VPS53: variants seen among roughly 807,000 people sequenced by gnomAD.
The protein encoded by VPS53 is VPS53 subunit of GARP complex, also known as vacuolar protein sorting-associated protein 53 homolog.
Under a neutral mutation model 107.0 loss-of-function variants are expected in VPS53, and 70 were observed. That is an observed-to-expected ratio of 0.65 (90% CI 0.54 to 0.80). The LOEUF is 0.80. Ranked by LOEUF, VPS53 falls within the 30% of genes least tolerant of loss-of-function variation. VPS53 has a pLI of 0.00. For synonymous variants in VPS53, 409 were observed against 393.3 expected, an observed-to-expected ratio of 1.04 and a Z score of -0.47; for missense variants, 917 against 1,049.4, an observed-to-expected ratio of 0.87 and a Z score of 1.74.
chr17:662,054 T>C (rs1015035197), intron 4 of VPS53, among the ~76,000 whole-genome samples, 159 bp from the exon 5 acceptor site: 1 of 152,208 alleles, frequency 6.6e-6, no homozygotes, highest in South Asian at 2.1e-4. Context: ...TAGAGACCTA[T>C]AGAGTCCAGT....
At chr17:697,559 AG>A in intron 3 of VPS53, 75 bp from the exon 4 acceptor site, 1 of 1,271,806 alleles carries the variant, frequency 7.9e-7, no homozygotes, top group Non-Finnish European at 1.1e-6. Flanking sequence ...AAAAGTAAAA[AG>A]TAATTTATTC....
chr17:602,211 C>T (rs1464232629), intron 11 of VPS53, among the ~76,000 whole-genome samples: 2 of 152,238 alleles, frequency 1.3e-5, no homozygotes, highest in South Asian at 2.1e-4. Context: ...GTCCCTGACA[C>T]GTGTTCCCAA....
Position 714,224 on chromosome 17 carries a change from C to A in VPS53, c.87+399G>T, listed in dbSNP as rs527832847. ...CTTCAGAAATTAAAGTCATTCCCTT[C>A]CCCCAGTTCCAAGCCACTCACGAGG... On this transcript the variant is annotated intron_variant, in intron 1 of 21. Transcript: ENST00000437048. 100 of 202,456 alleles carry A rather than the reference C, an allele frequency of 4.9e-4. 1 individual carries two copies. The highest frequency in any genetic ancestry group is 2.1e-3 in the African/African-American group (90 of 43,172). 12.5% of individuals were successfully genotyped at this position (202,456 alleles called of 1,614,324 possible). A position where few individuals can be genotyped will look rare whatever the true frequency, so the allele number is the denominator to read the frequency against.
intron 11 of VPS53, among the ~76,000 whole-genome samples, chr17:620,173 T>C (rs1481638055): frequency 1.3e-5 from 2 of 152,206 alleles, no homozygotes; most frequent in Non-Finnish European, 2.9e-5. Flanking sequence ...TTTATTCTAA[T>C]AAAGTCGTGA....
chr17:625,638 T>A (rs1161473692), intron 10 of VPS53, among the ~76,000 whole-genome samples: 1 of 152,198 alleles, frequency 6.6e-6, no homozygotes, highest in East Asian at 1.9e-4. Context: ...TGGGGAAGAC[T>A]ATGCACGTGG....
At chr17:697,292 G>T in intron 4 of VPS53, 126 bp downstream of exon 4, 2 of 827,284 alleles carry the variant, frequency 2.4e-6, no homozygotes, top group Non-Finnish European at 4.1e-6. Flanking sequence ...GCCCTGTCTT[G>T]TCCTGCCATG....
chr17:708,066 A>G (rs2144005906), intron 2 of VPS53, among the ~76,000 whole-genome samples: 1 of 152,304 alleles, frequency 6.6e-6, no homozygotes. Context: ...TGTAGGGTCC[A>G]GCCCTACGGG....
intron 15 of VPS53, among the ~76,000 whole-genome samples, chr17:553,712 A>AG (rs955361953): frequency 6.6e-6 from 1 of 151,678 alleles, no homozygotes; most frequent in South Asian, 2.1e-4. Flanking sequence ...CTGGGACTAC[A>AG]GGCGTGCGCT....
chr17:553,301 T>C, intron 16 of VPS53, 79 bp downstream of exon 16: 1 of 1,391,726 alleles, frequency 7.2e-7, no homozygotes, highest in Non-Finnish European at 1.0e-6. Flanking sequence ...AGCAAGCGTG[T>C]GCAGGGTACA....
In VPS53 at chr17:628,325, T is replaced by C. The variant is rs553279654; in HGVS notation, c.688-94A>G. On this transcript the variant is annotated intron_variant, in intron 8 of 21. Coordinates refer to ENST00000437048, the MANE Select transcript of VPS53 (RefSeq NM_001128159.3). ...CACTACTTGTTATCTCTACGCATTG[T>C]CAGTCTTACTCCTGCTCCTTCACAC... 186 of 1,430,252 alleles carry C rather than the reference T, an allele frequency of 1.3e-4. 1 individual carries two copies. The South Asian group carries it at 1.5e-3, about 11-fold the overall frequency. The allele number at this position is 1,430,252 out of a possible 1,614,324, so 88.6% of individuals were successfully genotyped here. A position where few individuals can be genotyped will look rare whatever the true frequency, so the allele number is the denominator to read the frequency against.
rs1457006921 is a variant in VPS53 at position 520,295 on chromosome 17, A to G, written c.2224-365T>C. Among the ~76,000 whole-genome samples the G allele has an allele frequency of 6.6e-6, 1 of 152,146 alleles. No homozygotes were observed. The highest frequency in any genetic ancestry group is 2.4e-5 in the African/African-American group (1 of 41,434). On this transcript the variant is annotated intron_variant, in intron 20 of 21. Coordinates refer to ENST00000437048, the MANE Select transcript of VPS53 (RefSeq NM_001128159.3). This position sits in a 1 kb window ranked among gnomAD's most constrained non-coding sequence, Gnocchi z 4.4. The stretch of plus-strand genomic sequence containing the variant: ...CTGGCTGGAGTCCCAGGTGACTTTT[A>G]AACTATCAGGACCATCCGGGAAACC...
intron 8 of VPS53, among the ~76,000 whole-genome samples, chr17:631,292 T>C (rs1198114539): frequency 2.0e-5 from 3 of 151,314 alleles, no homozygotes; most frequent in South Asian, 4.2e-4. Flanking sequence ...GCATACAAGA[T>C]AGACGGTTTG....
intron 11 of VPS53, among the ~76,000 whole-genome samples, chr17:610,127 TCACACA>T (rs200106767): frequency 0.15 from 19,692 of 134,196 alleles, 1,504 homozygotes; most frequent in African/African-American, 0.17. Context: ...TGAGACTCCG[TCACACA>T]CACACACACA....
chr17:626,598 C>T (rs1390712157), intron 10 of VPS53, among the ~76,000 whole-genome samples: 1 of 152,064 alleles, frequency 6.6e-6, no homozygotes. Flanking sequence ...CACTTGAATG[C>T]AGTAAATGGA....
At chr17:634,485 T>G (rs1210477833) in intron 7 of VPS53, among the ~76,000 whole-genome samples, 1 of 151,788 alleles carries the variant, frequency 6.6e-6, no homozygotes, top group African/African-American at 2.4e-5. Flanking sequence ...CATGCTGATG[T>G]GCTGCACCCA....
chr17:560,093 T>C (rs1912791062), intron 15 of VPS53, among the ~76,000 whole-genome samples: 2 of 152,250 alleles, frequency 1.3e-5, no homozygotes, highest in Admixed American at 1.3e-4. Flanking sequence ...GGCTGGGTCC[T>C]AGCACAGACA....
intron 17 of VPS53, among the ~76,000 whole-genome samples, chr17:542,917 G>A (rs1490539967): frequency 1.3e-5 from 2 of 150,010 alleles, no homozygotes; most frequent in African/African-American, 4.9e-5. Flanking sequence ...GGCGGAGGTT[G>A]CCATAAGCAC....
At position 517,068 on chromosome 17, in the gene VPS53, G is replaced by A. The variant is rs951112749; in HGVS notation, c.*2060C>T. ...GTGCTATTTGGAGATGGGCCCCACC[G>A]CCCCTTTTCAACTGTACGGCTCAGG... On this transcript the variant is annotated 3_prime_UTR_variant, in exon 22 of 22. Transcript: ENST00000437048. 3.9e-5 allele frequency: 7 copies of A among 181,600 alleles called. No individual in the cohort carries two copies. The South Asian group carries it at 7.9e-4, about 21-fold the overall frequency. The allele number at this position is 181,600 out of a possible 1,614,324, so 11.2% of individuals were successfully genotyped here.
chr17:648,892 C>A (rs1189661158), intron 7 of VPS53, among the ~76,000 whole-genome samples: 12 of 114,404 alleles, frequency 1.0e-4, no homozygotes, highest in African/African-American at 3.8e-4. Flanking sequence ...GGAACAGGCA[C>A]TAAGATCTTA....
Sources: allele counts gnomAD v4.1 joint callset (sites outside exome capture counted in the v4.1 genomes callset), GRCh38; gene constraint gnomAD v4.1.1; non-coding constraint Gnocchi (gnomAD v3.1); transcripts MANE v1.5; gene names NCBI Gene and HGNC (gene_info 2026-07-23, HGNC 2026-07-21).